The following APPBP2 variants were observed in gnomAD, a reference collection of about 807,000 sequenced individuals.
APPBP2 encodes amyloid protein-binding protein 2.
In APPBP2, 15 loss-of-function variants were observed where a neutral mutation model predicts 76.0. The ratio of observed to expected loss-of-function variants is 0.20; its 90% CI spans 0.13 to 0.30. APPBP2 has a LOEUF of 0.30. Among genes scored for constraint, APPBP2 ranks in the 10% least tolerant of loss-of-function variants. APPBP2 has a pLI of 1.00. For missense variants in APPBP2, 401 were observed against 687.2 expected, an observed-to-expected ratio of 0.58 and a Z score of 4.66; for synonymous variants, 222 against 242.2, an observed-to-expected ratio of 0.92 and a Z score of 0.77.
intron 3 of APPBP2, among the ~76,000 whole-genome samples, chr17:60,489,166 G>C (rs369465935): frequency 1.3e-5 from 2 of 151,936 alleles, no homozygotes; most frequent in African/African-American, 4.8e-5. Context: ...AGGTTGCAGT[G>C]AGCTGAGATC....
intron 2 of APPBP2, among the ~76,000 whole-genome samples, chr17:60,496,593 G>C (rs960024989): frequency 1.3e-5 from 2 of 152,090 alleles, no homozygotes; most frequent in African/African-American, 4.8e-5. Context: ...AAAATGAGAA[G>C]TTCTTATTTA....
intron 4 of APPBP2, among the ~76,000 whole-genome samples, chr17:60,472,844 C>A (rs1196863265): frequency 1.2e-4 from 19 of 152,190 alleles, no homozygotes. Context: ...TTAAGGTACA[C>A]TGCTTATGTA....
chr17:60,482,043 C>T (rs746681287), intron 3 of APPBP2, among the ~76,000 whole-genome samples: 9 of 152,066 alleles, frequency 5.9e-5, no homozygotes, highest in Non-Finnish European at 8.8e-5. Context: ...CCACCACGCC[C>T]GGCTAATTTT....
intron 4 of APPBP2, among the ~76,000 whole-genome samples, chr17:60,471,820 G>A (rs756360433): frequency 2.0e-5 from 3 of 152,002 alleles, no homozygotes; most frequent in Admixed American, 1.3e-4. Flanking sequence ...TCAGGGTAAC[G>A]TTAACCTTTT....
At chr17:60,482,569 C>A (rs574598599) in intron 3 of APPBP2, among the ~76,000 whole-genome samples, 7 of 152,136 alleles carry the variant, frequency 4.6e-5, no homozygotes, top group African/African-American at 1.4e-4. Flanking sequence ...TTTCTCCTAA[C>A]GCTATCCCTC....
intron 3 of APPBP2, among the ~76,000 whole-genome samples, chr17:60,482,562 C>T (rs2090638477): frequency 6.6e-6 from 1 of 152,198 alleles, no homozygotes. Flanking sequence ...TTAGGTATTT[C>T]TCCTAACGCT....
At position 60,464,084 on chromosome 17, in the gene APPBP2, C is replaced by A. The variant is rs771313719; in HGVS notation, c.699G>T (p.Met233Ile). The A allele has an allele frequency of 6.2e-7, 1 of 1,612,256 alleles. No individual in the cohort carries two copies. The highest frequency in any genetic ancestry group is 8.5e-7 in the Non-Finnish European group (1 of 1,179,266). ...CTGGTAAGCCTGCTGTAATTTCTTT[C>A]ATTGCCTCGATGCACCATTTGTATG... ...DEAYKWCIEA[M>I]KEITAGLPVK... Residue 233 changes from methionine to isoleucine, a missense_variant, in exon 6 of 13, where the codon ATG becomes ATT. Met to Ile is a conservative substitution (Grantham distance 10). Around this residue, in one of 5 missense-constraint regions of APPBP2, gnomAD observed 64 missense variants for 72.9 expected, o/e 0.88. Transcript: ENST00000083182.
At chr17:60,512,887 G>GCTGAATATC (rs1324575919) in intron 1 of APPBP2, among the ~76,000 whole-genome samples, 1 of 141,094 alleles carries the variant, frequency 7.1e-6, no homozygotes. Flanking sequence ...AAAAAAGAAT[G>GCTGAATATC]CTGAATATCT....
intron 1 of APPBP2, among the ~76,000 whole-genome samples, chr17:60,524,269 A>C (rs974187585): frequency 1.3e-5 from 2 of 152,196 alleles, no homozygotes; most frequent in Non-Finnish European, 1.5e-5. Flanking sequence ...TTCCTCTGAG[A>C]GATTACATAT....
chr17:60,469,739 G>A (rs781430760), intron 4 of APPBP2, among the ~76,000 whole-genome samples: 2 of 152,160 alleles, frequency 1.3e-5, no homozygotes, highest in Non-Finnish European at 2.9e-5. Context: ...CATTGTATGT[G>A]TATATATGTA....
chr17:60,510,592 G>A lies in APPBP2; in HGVS notation c.139-10105C>T, dbSNP rs574039422. Among the ~76,000 whole-genome samples the A allele has an allele frequency of 4.6e-5, 7 of 151,420 alleles. No individual in the cohort carries two copies. The South Asian group carries it at 6.3e-4, about 14-fold the overall frequency. ...AAAAAAATTGGCCAAGCATGGTGGC[G>A]TGTGCCCCAGGTACTTGGGAGGCTG... On this transcript the variant is annotated intron_variant, in intron 1 of 12. Coordinates refer to ENST00000083182, the MANE Select transcript of APPBP2 (RefSeq NM_006380.5).
chr17:60,479,001 G>A, intron 4 of APPBP2, 147 bp downstream of exon 4: 2 of 695,990 alleles, frequency 2.9e-6, no homozygotes, highest in Admixed American at 3.5e-5. Flanking sequence ...TTTTAGAGAT[G>A]AGAGGATGCC....
At chr17:60,462,145 A>G in intron 6 of APPBP2, 84 bp from the exon 7 acceptor site, 2 of 1,038,318 alleles carry the variant, frequency 1.9e-6, no homozygotes, top group Non-Finnish European at 2.9e-6. Context: ...TCTGGCTATA[A>G]GAGTTAATAA....
chr17:60,522,185 C>T (rs2143510237), intron 1 of APPBP2, among the ~76,000 whole-genome samples: 1 of 152,264 alleles, frequency 6.6e-6, no homozygotes, highest in South Asian at 2.1e-4. Context: ...GTCACCTTCC[C>T]TTCTCATACA....
rs145031954 is a variant in APPBP2, at chr17:60,465,750, T to C, written c.672+541A>G. Among the ~76,000 whole-genome samples, 603 of 152,150 alleles carry C rather than the reference T, an allele frequency of 4.0e-3. 4 individuals carry two copies. Among genetic ancestry groups the C allele is most frequent in the African/African-American group, 0.013 (558 of 41,526 alleles). On this transcript the variant is annotated intron_variant, in intron 5 of 12. Transcript: ENST00000083182. The stretch of plus-strand genomic sequence containing the variant: ...CCAAACAATTTAGGCAAATATTTGG[T>C]TAAATTAAAAGAAAAACAACAAAAG...
intron 3 of APPBP2, among the ~76,000 whole-genome samples, chr17:60,488,222 C>T (rs934473043): frequency 1.1e-4 from 16 of 152,168 alleles, no homozygotes; most frequent in Middle Eastern, 3.2e-3. Flanking sequence ...GCTCAAACTC[C>T]GTGCTGGGAG....
chr17:60,509,900 A>G (rs752913418), intron 1 of APPBP2, among the ~76,000 whole-genome samples: 2 of 152,184 alleles, frequency 1.3e-5, no homozygotes, highest in Non-Finnish European at 2.9e-5. Flanking sequence ...AGATTCAGTA[A>G]CAAGACTGGC....
rs373387605 is a variant in APPBP2, at chr17:60,479,192, G to C, written c.459C>G (p.His153Gln). The C allele has an allele frequency of 1.9e-6, 3 of 1,613,786 alleles. No individual in the cohort carries two copies. In the South Asian group the frequency reaches 3.3e-5, roughly 18 times the overall value. ...CACGAAACCAATGAAGCATCTCATC[G>C]TGTAGAGTACACAACTGAAGGCAGG... ...FLSCLQLCTL[H>Q]DEMLHWFRAV... Residue 153 changes from histidine to glutamine, a missense_variant, in exon 4 of 13, where the codon CAC (histidine) becomes CAG (glutamine). Around this residue, in one of 5 missense-constraint regions of APPBP2, gnomAD observed 149 missense variants for 198.4 expected, o/e 0.75. Coordinates refer to ENST00000083182, the MANE Select transcript of APPBP2 (RefSeq NM_006380.5).
At chr17:60,499,199 C>T (rs1311205614) in intron 2 of APPBP2, among the ~76,000 whole-genome samples, 1 of 150,694 alleles carries the variant, frequency 6.6e-6, no homozygotes, top group Non-Finnish European at 1.5e-5. Flanking sequence ...GGTGTGATAG[C>T]ATGCGCCTAT....
Sources: gnomAD v4.1 joint callset for allele counts (sites outside exome capture counted in the v4.1 genomes callset) on GRCh38, gnomAD v4.1.1 for gene constraint, gnomAD v4.1.1 regional missense constraint, MANE v1.5 for transcripts, NCBI Gene and HGNC (gene_info 2026-07-23, HGNC 2026-07-21) for gene names.